TYW1: variants seen among roughly 807,000 people sequenced by gnomAD.
The protein encoded by TYW1 is tRNA-yW synthesizing protein 1 homolog.
TYW1 carries 46 observed loss-of-function variants against 96.2 expected under a neutral mutation model. The observed-to-expected ratio is 0.48, with a 90% CI of 0.38 to 0.61. TYW1 has a LOEUF of 0.61. Ranked by LOEUF, TYW1 falls within the 20% of genes least tolerant of loss-of-function variation. TYW1 has a pLI of 0.00. For synonymous variants in TYW1, 274 were observed against 323.0 expected (o/e 0.85, Z 1.63); for missense variants, 684 against 909.6 (o/e 0.75, Z 3.19).
chr7:67,099,079 G>A (rs1431626469), intron 12 of TYW1, among the ~76,000 whole-genome samples: 2 of 150,992 alleles, frequency 1.3e-5, no homozygotes, highest in Non-Finnish European at 2.9e-5. Flanking sequence ...CGGCTTGAGT[G>A]CAGTGGCGTG....
At chr7:67,167,955 A>C (rs1334775714) in intron 13 of TYW1, among the ~76,000 whole-genome samples, 1 of 151,926 alleles carries the variant, frequency 6.6e-6, no homozygotes, top group African/African-American at 2.4e-5. Flanking sequence ...GGCTTTCACC[A>C]TCTTGGCCAG....
At chr7:67,161,081 T>G (rs1438794458) in intron 13 of TYW1, among the ~76,000 whole-genome samples, 2 of 152,218 alleles carry the variant, frequency 1.3e-5, no homozygotes, top group Non-Finnish European at 2.9e-5. Context: ...TGTGTTATAT[T>G]GGTTAGTTTT....
At chr7:67,019,019 C>T (rs528604914) in intron 6 of TYW1, among the ~76,000 whole-genome samples, 20 of 151,852 alleles carry the variant, frequency 1.3e-4, no homozygotes, top group African/African-American at 3.6e-4. Flanking sequence ...GGATTACAGG[C>T]GTGACCCACC....
chr7:67,111,949 A>T (rs1797419185), intron 12 of TYW1, among the ~76,000 whole-genome samples: 1 of 151,860 alleles, frequency 6.6e-6, no homozygotes, highest in South Asian at 2.1e-4. Flanking sequence ...ATTCAAAAAA[A>T]TTGGCTGGGC....
intron 7 of TYW1, among the ~76,000 whole-genome samples, chr7:67,048,540 G>A (rs2687017): frequency 3.3e-5 from 5 of 152,194 alleles, no homozygotes; most frequent in Middle Eastern, 3.4e-3. Flanking sequence ...CCCTAAAAAT[G>A]TACACAAATA....
chr7:67,230,848 C>G (rs189717721), intron 15 of TYW1, among the ~76,000 whole-genome samples: 1 of 151,930 alleles, frequency 6.6e-6, no homozygotes, highest in East Asian at 1.9e-4. Flanking sequence ...CCTTGTTGGC[C>G]AGGCTGGTCT....
chr7:67,162,113 G>A (rs1422626502), intron 13 of TYW1, among the ~76,000 whole-genome samples: 2 of 151,856 alleles, frequency 1.3e-5, no homozygotes, highest in East Asian at 1.9e-4. Flanking sequence ...TGGCTAACAC[G>A]GTGAAACCCT....
Position 67,205,389 on chromosome 7 carries a change from G to C in TYW1, c.1977+10052G>C, listed in dbSNP as rs796984270. 1.3e-3 allele frequency among the ~76,000 whole-genome samples: 167 copies of C among 132,358 alleles called. 1 individual carries two copies. Among genetic ancestry groups the C allele is most frequent in the Non-Finnish European group, 1.8e-3 (110 of 60,336 alleles). The allele number at this position is 132,358 out of a possible 152,430, so 86.8% of individuals were successfully genotyped here. ...CACTGACATTATAGGATGGAGGCGG[G>C]GGGGGGGCCTTATTGCTGCTGGGTG... On this transcript the variant is annotated intron_variant, in intron 15 of 15. Transcript: ENST00000359626.
chr7:67,083,440 A>G lies in TYW1; in HGVS notation c.1285A>G (p.Asn429Asp). Residue 429 changes from asparagine (N) to aspartate (D), a missense_variant, in exon 11 of 16, where the codon AAC becomes GAC. By Grantham distance (23) the Asn-to-Asp change is conservative (BLOSUM62 1). Transcript: ENST00000359626. The stretch of plus-strand genomic sequence containing the variant: ...GCATCTTGTTCCTAGGCACCACACC[A>G]ACCCCGTGGGCACTGAGTGGCGGTG... ...KCVFCWRHHT[N>D]PVGTEWRWKM... is the part of the protein sequence containing the mutation. 6.2e-7 allele frequency: 1 copy of G among 1,614,178 alleles called. No homozygotes were observed. Among genetic ancestry groups the G allele is most frequent in the South Asian group, 1.1e-5 (1 of 91,088 alleles).
intron 7 of TYW1, among the ~76,000 whole-genome samples, chr7:67,029,107 T>C (rs1794556324): frequency 6.6e-6 from 1 of 151,726 alleles, no homozygotes. Flanking sequence ...CACGTCATTC[T>C]CCTGCCTCAG....
chr7:67,196,340 G>T (rs1470038542), intron 15 of TYW1, among the ~76,000 whole-genome samples: 1 of 152,070 alleles, frequency 6.6e-6, no homozygotes, highest in African/African-American at 2.4e-5. Flanking sequence ...GAAGTGAGTT[G>T]TTTTATGGTT....
At chr7:67,014,943 T>A (rs1793965462) in intron 5 of TYW1, among the ~76,000 whole-genome samples, 1 of 151,710 alleles carries the variant, frequency 6.6e-6, no homozygotes, top group South Asian at 2.1e-4. Flanking sequence ...CCAGCCAGGC[T>A]AGTTGTGAAC....
chr7:67,193,967 G>C (rs1019708384), intron 14 of TYW1, among the ~76,000 whole-genome samples: 2 of 151,956 alleles, frequency 1.3e-5, no homozygotes, highest in Admixed American at 1.3e-4. Flanking sequence ...TTCTCAACAA[G>C]TTGTTGAGAA....
chr7:67,138,454 A>G (rs1315295345), intron 13 of TYW1, among the ~76,000 whole-genome samples: 2 of 152,146 alleles, frequency 1.3e-5, no homozygotes, highest in Non-Finnish European at 2.9e-5. Flanking sequence ...CCCCTCCAGC[A>G]TTTATCCTTT....
chr7:67,137,936 C>T (rs1798318321), intron 13 of TYW1, among the ~76,000 whole-genome samples: 1 of 152,200 alleles, frequency 6.6e-6, no homozygotes, highest in Non-Finnish European at 1.5e-5. Context: ...CCATGCACCT[C>T]TTCCTCTTGA....
chr7:67,050,201 T>G, intron 8 of TYW1, 135 bp downstream of exon 8: 1 of 1,085,928 alleles, frequency 9.2e-7, no homozygotes. Context: ...AGATTTACCT[T>G]TTTATTTCTG....
chr7:67,125,183 A>G (rs536601361), intron 13 of TYW1, among the ~76,000 whole-genome samples: 2 of 152,288 alleles, frequency 1.3e-5, no homozygotes, highest in East Asian at 3.9e-4. Flanking sequence ...AGAGCTCTTC[A>G]TTTTAACAAA....
chr7:67,162,313 CAAAAAAAAAAA>C (rs60661089), intron 13 of TYW1, among the ~76,000 whole-genome samples: 1 of 102,166 alleles, frequency 9.8e-6, no homozygotes, highest in African/African-American at 3.4e-5. Context: ...GACTCTGTCT[CAAAAAAAAAAA>C]AAAAAAAAAA....
intron 13 of TYW1, among the ~76,000 whole-genome samples, chr7:67,128,642 G>T (rs950236030): frequency 6.6e-6 from 1 of 151,620 alleles, no homozygotes; most frequent in Non-Finnish European, 1.5e-5. Flanking sequence ...TGATGGTATG[G>T]TGTATGGGGA....
Sources: gnomAD v4.1 joint callset for allele counts (sites outside exome capture counted in the v4.1 genomes callset) on GRCh38, gnomAD v4.1.1 for gene constraint, MANE v1.5 for transcripts, NCBI Gene and HGNC (gene_info 2026-07-23, HGNC 2026-07-21) for gene names.